The following MAN2A1 variants were observed in gnomAD, a reference collection of about 807,000 sequenced individuals.
MAN2A1 encodes alpha-mannosidase 2.
A neutral mutation model predicts 142.6 loss-of-function variants in MAN2A1; 76 were observed. That is an observed-to-expected ratio of 0.53 (90% CI 0.44 to 0.65). The LOEUF (loss-of-function observed/expected upper bound fraction) is 0.65, where lower values mean the gene tolerates loss of function less well. MAN2A1 is among the 30% of genes least tolerant of loss of function. The pLI is 0.00. For missense variants in MAN2A1, 1,311 were observed against 1,365.1 expected (o/e 0.96, Z 0.62); for synonymous variants, 559 against 473.2 (o/e 1.18, Z -2.35).
intron 16 of MAN2A1, chr5:109,840,707 G>A (rs768223065): frequency 3.3e-5 from 14 of 421,770 alleles, no homozygotes; most frequent in African/African-American, 2.5e-4. Flanking sequence ...CAGAAGGACC[G>A]ATCCAGTATG....
intron 5 of MAN2A1, among the ~76,000 whole-genome samples, chr5:109,755,942 G>A (rs144640117): frequency 6.6e-6 from 1 of 151,990 alleles, no homozygotes; most frequent in African/African-American, 2.4e-5. Flanking sequence ...CACAAGGTGA[G>A]TAAGATGGCT....
At chr5:109,717,959 A>G (rs1475758370) in intron 3 of MAN2A1, among the ~76,000 whole-genome samples, 1 of 152,216 alleles carries the variant, frequency 6.6e-6, no homozygotes, top group African/African-American at 2.4e-5. Context: ...ACTCACACTC[A>G]GTGAGGTGAG....
chr5:109,817,196 G>A (rs56239994), intron 12 of MAN2A1, 77 bp from the exon 13 acceptor site: 80,657 of 1,214,016 alleles, frequency 0.066, 3,114 homozygotes, highest in African/African-American at 0.15. Context: ...ATATGTATAT[G>A]TATATCTACA....
intron 4 of MAN2A1, among the ~76,000 whole-genome samples, chr5:109,743,966 G>A (rs1752336770): frequency 2.0e-5 from 3 of 152,192 alleles, no homozygotes; most frequent in South Asian, 4.1e-4. Flanking sequence ...TCTGAGCCAC[G>A]GGTGTCCTCA....
intron 1 of MAN2A1, among the ~76,000 whole-genome samples, chr5:109,705,057 G>A (rs1337401951): frequency 6.6e-6 from 1 of 151,982 alleles, no homozygotes; most frequent in African/African-American, 2.4e-5. Context: ...CCCAGTAACT[G>A]GCTTGTGGGC....
chr5:109,824,698 A>G (rs1754712187), intron 16 of MAN2A1, among the ~76,000 whole-genome samples: 1 of 152,164 alleles, frequency 6.6e-6, no homozygotes, highest in African/African-American at 2.4e-5. Context: ...GATTTCACAA[A>G]CTAAAGATAA....
chr5:109,793,608 G>A (rs2301007), intron 12 of MAN2A1, among the ~76,000 whole-genome samples: 98,182 of 151,934 alleles, frequency 0.65, 32,395 homozygotes, highest in East Asian at 0.93. Flanking sequence ...CTTTAAGACC[G>A]TTACAAATAA....
chr5:109,761,605 T>C (rs1487335886), intron 5 of MAN2A1, among the ~76,000 whole-genome samples: 1 of 152,112 alleles, frequency 6.6e-6, no homozygotes, highest in Non-Finnish European at 1.5e-5. Flanking sequence ...TGATTTTATA[T>C]CCATTTTCAT....
intron 19 of MAN2A1, among the ~76,000 whole-genome samples, chr5:109,851,545 T>A (rs1289219697): frequency 6.6e-6 from 1 of 152,196 alleles, no homozygotes; most frequent in Non-Finnish European, 1.5e-5. Context: ...CATGTGATAA[T>A]GCAGCAAGAA....
intron 12 of MAN2A1, among the ~76,000 whole-genome samples, chr5:109,816,806 T>A (rs888396032): frequency 6.6e-6 from 1 of 152,208 alleles, no homozygotes; most frequent in South Asian, 2.1e-4. Flanking sequence ...TACACATCTA[T>A]GAATATCTTC....
chr5:109,736,769 A>G (rs1326844812), intron 4 of MAN2A1, among the ~76,000 whole-genome samples: 21 of 151,970 alleles, frequency 1.4e-4, no homozygotes, highest in Admixed American at 1.4e-3. Flanking sequence ...ATATTTTACC[A>G]GTTTTTACTC....
rs1039621463 is a variant in MAN2A1 at position 109,807,179 on chromosome 5, T to A, written c.1944-10094T>A. 3.6e-4 allele frequency among the ~76,000 whole-genome samples: 55 copies of A among 152,290 alleles called. 1 individual carries two copies. Among genetic ancestry groups the A allele is most frequent in the Admixed American group, 3.5e-3 (54 of 15,298 alleles). On this transcript the variant is annotated intron_variant, in intron 12 of 21. Coordinates refer to ENST00000261483, the MANE Select transcript of MAN2A1 (RefSeq NM_002372.4). ...AGACCCACTTCATTTAATCTTTGCT[T>A]GGTCCCAGTTCCAAGGACCCCAAGC...
chr5:109,702,268 A>G (rs79884801), intron 1 of MAN2A1, among the ~76,000 whole-genome samples: 2,826 of 152,174 alleles, frequency 0.019, 34 homozygotes, highest in Middle Eastern at 0.071. Context: ...TTTGGCACAA[A>G]TGATAAGACT....
intron 12 of MAN2A1, among the ~76,000 whole-genome samples, chr5:109,806,871 G>A (rs897760734): frequency 5.9e-5 from 9 of 152,024 alleles, no homozygotes; most frequent in African/African-American, 2.2e-4. Flanking sequence ...TGGGATGATA[G>A]GCTCATAATA....
rs248749 is a variant in MAN2A1, at chr5:109,694,447, C to T, written c.135+3895C>T. On this transcript the variant is annotated intron_variant, in intron 1 of 21. Coordinates refer to ENST00000261483, the MANE Select transcript of MAN2A1 (RefSeq NM_002372.4). ...TGGCCTTGAATTCTTGGGCCCAAGC[C>T]ATTCTCCCACCTCAGCCTTCTGAGT... Among the ~76,000 whole-genome samples, 468 of 152,074 alleles carry T rather than the reference C, an allele frequency of 3.1e-3. 2 individuals carry two copies. The highest frequency in any genetic ancestry group is 5.0e-3 in the East Asian group (26 of 5,166).
intron 1 of MAN2A1, among the ~76,000 whole-genome samples, chr5:109,708,003 A>G (rs904548758): frequency 6.6e-6 from 1 of 152,004 alleles, no homozygotes; most frequent in African/African-American, 2.4e-5. Context: ...AATATGGGAG[A>G]CATCATGGAA....
At chr5:109,706,869 A>G (rs1002425551) in intron 1 of MAN2A1, among the ~76,000 whole-genome samples, 20 of 152,316 alleles carry the variant, frequency 1.3e-4, no homozygotes, top group South Asian at 6.2e-4. Flanking sequence ...TTATAAACAT[A>G]TATATCTTCT....
intron 17 of MAN2A1, 80 bp from the exon 18 acceptor site, chr5:109,845,785 G>GA (rs2112762171): frequency 8.9e-7 from 1 of 1,120,306 alleles, no homozygotes; most frequent in Admixed American, 2.7e-5. Flanking sequence ...CTCTTGGGAA[G>GA]AAAAATCACC....
chr5:109,860,722 CAT>C (rs1450263776), intron 20 of MAN2A1, among the ~76,000 whole-genome samples: 3 of 152,106 alleles, frequency 2.0e-5, no homozygotes, highest in African/African-American at 7.2e-5. Flanking sequence ...AAGAGACTGT[CAT>C]GTGTGTATAA....
Sources: allele counts gnomAD v4.1 joint callset (sites outside exome capture counted in the v4.1 genomes callset), GRCh38; gene constraint gnomAD v4.1.1; transcripts MANE v1.5; gene names NCBI Gene and HGNC (gene_info 2026-07-23, HGNC 2026-07-21).